The following CADM2 variants were observed in gnomAD, a reference collection of about 807,000 sequenced individuals.
CADM2 encodes the protein immunoglobulin superfamily member 4D.
Under a neutral mutation model 49.8 loss-of-function variants are expected in CADM2, and 12 were observed. The ratio of observed to expected loss-of-function variants is 0.24; its 90% CI spans 0.15 to 0.39. The LOEUF (loss-of-function observed/expected upper bound fraction) is 0.39. CADM2 is among the 10% of genes least tolerant of loss of function. The probability of loss-of-function intolerance (pLI) is 1.00; values close to 1 mark genes in which losing one functional copy is unlikely to be tolerated. For synonymous variants in CADM2, 214 were observed against 175.4 expected (o/e 1.22, Z -1.74); for missense variants, 378 against 492.3 (o/e 0.77, Z 2.20).
At chr3:85,939,436 CA>C (rs1383916559) in intron 7 of CADM2, among the ~76,000 whole-genome samples, 1 of 148,944 alleles carries the variant, frequency 6.7e-6, no homozygotes, top group Admixed American at 6.8e-5. Flanking sequence ...AGCTTTCAGG[CA>C]GCAGCATTCT....
chr3:85,283,357 T>A (rs72919271), intron 1 of CADM2, among the ~76,000 whole-genome samples: 28,655 of 151,526 alleles, frequency 0.19, 4,877 homozygotes, highest in African/African-American at 0.46. Context: ...TCATTAATAC[T>A]CTTTTAAAAC....
chr3:85,498,781 T>C (rs1320392358), intron 1 of CADM2, among the ~76,000 whole-genome samples: 1 of 152,150 alleles, frequency 6.6e-6, no homozygotes, highest in Non-Finnish European at 1.5e-5. Flanking sequence ...CCCTGCATTT[T>C]CCCAATGAGC....
intron 1 of CADM2, among the ~76,000 whole-genome samples, chr3:85,547,554 C>T (rs1463207): frequency 0.51 from 77,765 of 151,820 alleles, 22,978 homozygotes; most frequent in East Asian, 0.85. Context: ...TACAAAACTA[C>T]CCCACTCCGT....
At chr3:85,897,149 C>T (rs1330897276) in intron 5 of CADM2, among the ~76,000 whole-genome samples, 1 of 139,410 alleles carries the variant, frequency 7.2e-6, no homozygotes, top group Non-Finnish European at 1.5e-5. Context: ...TGAGTTCTTT[C>T]TTAGAGGAGG....
At chr3:85,726,397 AT>A (rs1272295004) in intron 1 of CADM2, 124 bp from the exon 2 acceptor site, 2 of 1,001,408 alleles carry the variant, frequency 2.0e-6, no homozygotes, top group Admixed American at 3.6e-5. Flanking sequence ...TAGGCTGTTG[AT>A]CATGAAATCA....
At chr3:85,544,354 G>T (rs1037233361) in intron 1 of CADM2, among the ~76,000 whole-genome samples, 1 of 152,096 alleles carries the variant, frequency 6.6e-6, no homozygotes, top group Non-Finnish European at 1.5e-5. Context: ...CGAGGCGGGC[G>T]GATCACGAGG....
intron 2 of CADM2, among the ~76,000 whole-genome samples, chr3:85,766,301 A>G (rs1366984888): frequency 6.6e-6 from 1 of 152,110 alleles, no homozygotes; most frequent in African/African-American, 2.4e-5. Flanking sequence ...ATTGTCCATA[A>G]AAGGAAAAAT....
chr3:85,435,302 A>C (rs899063595), intron 1 of CADM2, among the ~76,000 whole-genome samples: 1 of 152,052 alleles, frequency 6.6e-6, no homozygotes, highest in Non-Finnish European at 1.5e-5. Flanking sequence ...TTTGCTGAGA[A>C]TGATGGTTTC....
chr3:85,454,883 C>A (rs1334577528), intron 1 of CADM2, among the ~76,000 whole-genome samples: 1 of 152,168 alleles, frequency 6.6e-6, no homozygotes, highest in Non-Finnish European at 1.5e-5. Flanking sequence ...CTGTAAATGA[C>A]AATTTCATGC....
At chr3:85,868,072 A>T (rs1417945607) in intron 3 of CADM2, among the ~76,000 whole-genome samples, 3 of 152,056 alleles carry the variant, frequency 2.0e-5, no homozygotes, top group Non-Finnish European at 4.4e-5. Flanking sequence ...TAACATTTTA[A>T]AAATAGATAG....
intron 1 of CADM2, among the ~76,000 whole-genome samples, chr3:85,655,441 G>A (rs1037263033): frequency 6.6e-6 from 1 of 151,882 alleles, no homozygotes; most frequent in South Asian, 2.1e-4. Flanking sequence ...TTACAGGCAC[G>A]AGCCACCATG....
intron 1 of CADM2, among the ~76,000 whole-genome samples, chr3:85,275,490 C>T (rs1256138954): frequency 1.3e-5 from 2 of 151,354 alleles, no homozygotes; most frequent in African/African-American, 4.8e-5. Context: ...TAAGTAGATA[C>T]TCATGTATAT....
chr3:85,335,991 A>T (rs1022858284), intron 1 of CADM2, among the ~76,000 whole-genome samples: 1 of 151,536 alleles, frequency 6.6e-6, no homozygotes, highest in African/African-American at 2.4e-5. Context: ...ATATGCACTC[A>T]TCCTCTAAAC....
chr3:85,700,903 A>C (rs771361205), intron 1 of CADM2, among the ~76,000 whole-genome samples: 2 of 152,152 alleles, frequency 1.3e-5, no homozygotes, highest in Non-Finnish European at 2.9e-5. Flanking sequence ...CCCACTTCCA[A>C]AGTTCACAAT....
At chr3:85,616,991 G>T (rs754995279) in intron 1 of CADM2, among the ~76,000 whole-genome samples, 5 of 152,102 alleles carry the variant, frequency 3.3e-5, no homozygotes, top group Non-Finnish European at 7.4e-5. Context: ...CACACTCAAT[G>T]TGTTTTTCCT....
At chr3:85,314,347 G>T (rs1467111498) in intron 1 of CADM2, among the ~76,000 whole-genome samples, 1 of 150,818 alleles carries the variant, frequency 6.6e-6, no homozygotes, top group Admixed American at 6.6e-5. Flanking sequence ...CCACACTGTT[G>T]CAATTTTCTG....
chr3:85,465,136 C>T (rs892523829), intron 1 of CADM2, among the ~76,000 whole-genome samples: 3 of 152,144 alleles, frequency 2.0e-5, no homozygotes, highest in South Asian at 2.1e-4. Flanking sequence ...GGAGACAGAA[C>T]GAGACTCTGT....
chr3:85,183,468 G>A (rs1050702139), intron 1 of CADM2, among the ~76,000 whole-genome samples: 1 of 152,068 alleles, frequency 6.6e-6, no homozygotes, highest in Non-Finnish European at 1.5e-5. Flanking sequence ...CCATTTCAAT[G>A]TATTATGTAG....
At chr3:85,191,759 C>T (rs1576082107) in intron 1 of CADM2, among the ~76,000 whole-genome samples, 3 of 152,046 alleles carry the variant, frequency 2.0e-5, no homozygotes, top group Admixed American at 6.6e-5. Flanking sequence ...AATTCAGAAC[C>T]CTGATAGGCA....
Sources: gnomAD v4.1 joint callset for allele counts (sites outside exome capture counted in the v4.1 genomes callset) on GRCh38, gnomAD v4.1.1 for gene constraint, MANE v1.5 for transcripts, NCBI Gene and HGNC (gene_info 2026-07-23, HGNC 2026-07-21) for gene names.